The following ITIH1 variants were observed in gnomAD, a reference collection of about 807,000 sequenced individuals.
The protein encoded by ITIH1 is inter-alpha-trypsin inhibitor heavy chain H1.
ITIH1 carries 94 observed loss-of-function variants against 104.6 expected under a neutral mutation model. The observed-to-expected ratio is 0.90, with a 90% CI of 0.76 to 1.07. The LOEUF is 1.07. Among genes scored for constraint, ITIH1 ranks in the 50% least tolerant of loss-of-function variants. ITIH1 has a pLI of 0.00. For synonymous variants in ITIH1, 455 were observed against 464.4 expected (o/e 0.98, Z 0.26); for missense variants, 1,193 against 1,181.4 (o/e 1.01, Z -0.14).
chr3:52,786,469 C>A, intron 13 of ITIH1, 35 bp downstream of exon 13: 1 of 1,552,066 alleles, frequency 6.4e-7, no homozygotes, highest in East Asian at 2.4e-5. Flanking sequence ...GTGGGCACTG[C>A]CCACCCCAGA....
Position 52,790,771 on chromosome 3 carries a change from A to G in ITIH1, c.2344A>G (p.Lys782Glu). 6.2e-7 allele frequency: 1 copy of G among 1,612,516 alleles called. No homozygotes were observed. The highest frequency in any genetic ancestry group is 8.5e-7 in the Non-Finnish European group (1 of 1,179,428). Reference sequence around the variant, plus strand: ...CAGGGTGGTGGTGACCATCAACAAGAAGAGGAACCTGGTGGTGTCTGTGGA... The same window carrying G: ...CAGGGTGGTGGTGACCATCAACAAGGAGAGGAACCTGGTGGTGTCTGTGGA... ...QDGVVVTINK[K>E]RNLVVSVDDG... is the part of the protein sequence containing the mutation. The change falls in exon 20 of 22, where the codon AAG (lysine) becomes GAG (glutamate). Residue 782 changes from lysine to glutamate, a missense_variant. Transcript: ENST00000273283.
chr3:52,787,021 AC>A lies in ITIH1; in HGVS notation c.1814del (p.Pro605HisfsTer2), dbSNP rs1483826456. ...GATGTCGCTGGACTATGGGTTTGTG[AC>A]CCCACTGACCTCCATGAGCATCAGG... ...LQMSLDYGFV[T>X]PLTSMSIRGM... On this transcript the variant is annotated frameshift_variant, in exon 14 of 22. Coordinates refer to ENST00000273283, the MANE Select transcript of ITIH1 (RefSeq NM_002215.4). LOFTEE classifies it high-confidence loss of function. The A allele has an allele frequency of 6.2e-7, 1 of 1,613,848 alleles. No individual in the cohort carries two copies. Among genetic ancestry groups the A allele is most frequent in the Non-Finnish European group, 8.5e-7 (1 of 1,179,956 alleles).
chr3:52,778,285 C>T, intron 2 of ITIH1, 55 bp from the exon 3 acceptor site: 1 of 1,561,882 alleles, frequency 6.4e-7, no homozygotes, highest in Non-Finnish European at 8.8e-7. Context: ...CACAGGAAGT[C>T]CCTCGCTGAC....
At position 52,779,967 on chromosome 3, in the gene ITIH1, C is replaced by A; in HGVS notation, c.574-302C>A. ...TGGTGGCTGAGTTGAGGGATGCAGG[C>A]ATGTACACCTTCATTTGGTCAGTAT... On this transcript the variant is annotated intron_variant, in intron 5 of 21. Coordinates refer to ENST00000273283, the MANE Select transcript of ITIH1 (RefSeq NM_002215.4). The surrounding 1 kb of genome is among the most constrained non-coding windows in gnomAD (Gnocchi z 4.4). 1 of 1,388,206 alleles carries A rather than the reference C, an allele frequency of 7.2e-7. No homozygotes were observed. Among genetic ancestry groups the A allele is most frequent in the Non-Finnish European group, 9.3e-7 (1 of 1,072,120 alleles). The allele number at this position is 1,388,206 out of a possible 1,614,324, so 86.0% of individuals were successfully genotyped here.
At position 52,779,758 on chromosome 3, in the gene ITIH1, C is replaced by A; in HGVS notation, c.573+164C>A. 1.9e-6 allele frequency: 2 copies of A among 1,039,348 alleles called. No homozygotes were observed. The highest frequency in any genetic ancestry group is 3.0e-5 in the South Asian group (2 of 66,896). The allele number at this position is 1,039,348 out of a possible 1,614,324, so 64.4% of individuals were successfully genotyped here. A position where few individuals can be genotyped will look rare whatever the true frequency, so the allele number is the denominator to read the frequency against. On this transcript the variant is annotated intron_variant, in intron 5 of 21. Coordinates refer to ENST00000273283, the MANE Select transcript of ITIH1 (RefSeq NM_002215.4). The surrounding 1 kb of genome is among the most constrained non-coding windows in gnomAD (Gnocchi z 4.4). ...TGATGTGCTCTTCTTGGGCAGGGAA[C>A]TCCCTGAATTCTCTAACTTCCTCTT...
At chr3:52,778,899 C>G (rs781761888) in intron 3 of ITIH1, 43 bp from the exon 4 acceptor site, 2 of 1,421,380 alleles carry the variant, frequency 1.4e-6, no homozygotes, top group African/African-American at 2.8e-5. Context: ...CCTGTGTGGT[C>G]AGGAGGCTCA....
chr3:52,782,160 A>T lies in ITIH1; in HGVS notation c.823A>T (p.Asn275Tyr). ...TTCTCCTCTATTTCAGGTGGCCAAT[A>T]ACCACTTTGCCCACTTCTTTGCCCC... ...DKICDLLVAN[N>Y]HFAHFFAPQN... Residue 275 changes from asparagine to tyrosine, a missense_variant, in exon 8 of 22, where the codon AAC (asparagine) becomes TAC (tyrosine). Physicochemically the swap from Asn to Tyr is moderately radical, Grantham distance 143. Coordinates refer to ENST00000273283, the MANE Select transcript of ITIH1 (RefSeq NM_002215.4). The T allele has an allele frequency of 6.2e-7, 1 of 1,614,146 alleles. No homozygotes were observed. The highest frequency in any genetic ancestry group is 8.5e-7 in the Non-Finnish European group (1 of 1,180,024).
chr3:52,784,765 C>A (rs1699156929), intron 11 of ITIH1, among the ~76,000 whole-genome samples: 1 of 151,968 alleles, frequency 6.6e-6, no homozygotes, highest in Non-Finnish European at 1.5e-5. Flanking sequence ...ATCTCAGCTA[C>A]CTGGGAGGCT....
chr3:52,777,788 G>A (rs1035760190), intron 1 of ITIH1, 56 bp downstream of exon 1: 18 of 1,483,386 alleles, frequency 1.2e-5, no homozygotes, highest in Admixed American at 7.3e-5. Context: ...ATGAGGCCCC[G>A]GGCGGGACAC....
At chr3:52,788,728 T>C (rs1423088361) in intron 18 of ITIH1, among the ~76,000 whole-genome samples, 1 of 152,134 alleles carries the variant, frequency 6.6e-6, no homozygotes, top group Non-Finnish European at 1.5e-5. Flanking sequence ...GACTGGTTTA[T>C]TTTTGTATTT....
intron 15 of ITIH1, 54 bp downstream of exon 15, chr3:52,787,256 G>A: frequency 6.2e-7 from 1 of 1,611,172 alleles, no homozygotes; most frequent in Non-Finnish European, 8.5e-7. Context: ...CTGGGCAGGT[G>A]GCAGGTGCTC....
rs141164071 is a variant in ITIH1, at chr3:52,781,956, G to T, written c.704G>T (p.Arg235Leu). ...FSGKKGHVLF[R>L]PTVSQQQSCP... Reference sequence around the variant, plus strand: ...CGGTTCCAGGGTCATGTGCTGTTCCGTCCCACCGTGAGCCAGCAGCAGTCC... The same window carrying T: ...CGGTTCCAGGGTCATGTGCTGTTCCTTCCCACCGTGAGCCAGCAGCAGTCC... Residue 235 changes from arginine (R) to leucine (L), a missense_variant, in exon 7 of 22, where the codon CGT (arginine) becomes CTT (leucine). Transcript: ENST00000273283. 3 of 1,614,116 alleles carry T rather than the reference G, an allele frequency of 1.9e-6. No individual in the cohort carries two copies. In the Admixed American group the frequency reaches 5.0e-5, roughly 27 times the overall value.
rs1699204065 is a variant in ITIH1 at position 52,786,410 on chromosome 3, C to T, written c.1709C>T (p.Thr570Ile). ...NHVERLWAYL[T>I]IQELLAKRMK... ...GTCGAGCGCCTCTGGGCCTACCTCA[C>T]CATCCAGGAGCTGCTGGCCAAGCGG... is the stretch of plus-strand genomic sequence containing the variant. Residue 570 changes from threonine to isoleucine, a missense_variant, in exon 13 of 22, where the codon ACC becomes ATC. Thr to Ile is a moderately conservative substitution (Grantham distance 89). Transcript: ENST00000273283. The T allele has an allele frequency of 1.3e-6, 2 of 1,586,062 alleles. No individual in the cohort carries two copies. The highest frequency in any genetic ancestry group is 2.3e-5 in the East Asian group (1 of 43,276).
intron 6 of ITIH1, among the ~76,000 whole-genome samples, 163 bp downstream of exon 6, chr3:52,780,545 C>T (rs1699011283): frequency 6.6e-6 from 1 of 152,194 alleles, no homozygotes; most frequent in Non-Finnish European, 1.5e-5. Flanking sequence ...TAGGAGAACT[C>T]AGCTATCCTG....
At position 52,783,264 on chromosome 3, in the gene ITIH1, G is replaced by A. The variant is rs763377240; in HGVS notation, c.1150G>A (p.Val384Ile). 13 of 1,614,144 alleles carry A rather than the reference G, an allele frequency of 8.1e-6. No homozygotes were observed. In the South Asian group the frequency reaches 1.4e-4, roughly 18 times the overall value. ...LLRGIEILNQ[V>I]QESLPELSNH... The stretch of plus-strand genomic sequence containing the variant: ...CCGGGGAATTGAGATCTTGAACCAA[G>A]TTCAGGAAAGCCTCCCAGAACTCAG... The change falls in exon 10 of 22, where the codon GTT becomes ATT. Residue 384 changes from valine (V) to isoleucine (I), a missense_variant. Transcript: ENST00000273283.
Position 52,791,772 on chromosome 3 carries a change from C to T in ITIH1, c.2607-10C>T, listed in dbSNP as rs2154108929. On this transcript the variant is annotated splice_polypyrimidine_tract_variant and intron_variant, in intron 21 of 21. Coordinates refer to ENST00000273283, the MANE Select transcript of ITIH1 (RefSeq NM_002215.4). ...CGAAGGGTGACCCCAGCTGACTTGTCTCTGCACAGGGGTTTGCAAAAAGAC... is the reference window on the plus strand; with the variant it reads ...CGAAGGGTGACCCCAGCTGACTTGTTTCTGCACAGGGGTTTGCAAAAAGAC... The T allele has an allele frequency of 6.2e-7, 1 of 1,610,642 alleles. No homozygotes were observed. Among genetic ancestry groups the T allele is most frequent in the East Asian group, 2.2e-5 (1 of 44,858 alleles).
Position 52,781,205 on chromosome 3 carries a change from T to C in ITIH1, c.688-735T>C, listed in dbSNP as rs866721753. ...CTTCACCTCCTCCTCTTCTTTTTTT[T>C]TTTTTCTTCTTCTTCTTCTTCTTCT... On this transcript the variant is annotated intron_variant, in intron 6 of 21. Transcript: ENST00000273283. 2.0e-3 allele frequency among the ~76,000 whole-genome samples: 144 copies of C among 72,312 alleles called. 3 individuals are homozygous for C. Among genetic ancestry groups the C allele is most frequent in the African/African-American group, 3.6e-3 (54 of 14,962 alleles). 47.4% of individuals were successfully genotyped at this position (72,312 alleles called of 152,430 possible).
chr3:52,787,207 G>A lies in ITIH1; in HGVS notation c.1903+5G>A, dbSNP rs374141998. The A allele has an allele frequency of 1.1e-5, 17 of 1,613,970 alleles. No homozygotes were observed. The African/African-American group carries it at 2.1e-4, about 20-fold the overall frequency. On this transcript the variant is annotated splice_donor_5th_base_variant and intron_variant, in intron 15 of 21. Transcript: ENST00000273283. ...TTCCAGATTCTCCGCCTTTGGGTGA[G>A]TTTTAAATTGCATTAGTTTCAGTTC...
At chr3:52,781,197 CTTTTTTT>C (rs10526848) in intron 6 of ITIH1, among the ~76,000 whole-genome samples, 2,244 of 69,022 alleles carry the variant, frequency 0.033, 93 homozygotes, top group African/African-American at 0.062. Flanking sequence ...TCCTCCTCTT[CTTTTTTT>C]TTTTTTCTTC....
Sources: gnomAD v4.1 joint callset for allele counts (sites outside exome capture counted in the v4.1 genomes callset) on GRCh38, gnomAD v4.1.1 for gene constraint, Gnocchi (gnomAD v3.1) non-coding constraint, MANE v1.5 for transcripts, NCBI Gene and HGNC (gene_info 2026-07-23, HGNC 2026-07-21) for gene names.